Variants in SSPN observed in about 807,000 individuals in gnomAD.
The protein encoded by SSPN is sarcospan.
In SSPN, 15 loss-of-function variants were observed where a neutral mutation model predicts 19.1. The observed-to-expected ratio is 0.78, with a 90% CI of 0.52 to 1.21. SSPN has a LOEUF of 1.21. SSPN is among the 50% of genes most tolerant of loss of function. The probability of loss-of-function intolerance (pLI) is 0.00; values close to 1 mark genes in which losing one functional copy is unlikely to be tolerated. For missense variants in SSPN, 291 were observed against 314.0 expected, an observed-to-expected ratio of 0.93 and a Z score of 0.55; for synonymous variants, 147 against 140.3, an observed-to-expected ratio of 1.05 and a Z score of -0.34.
intron 1 of SSPN, among the ~76,000 whole-genome samples, chr12:26,167,218 T>A (rs990986745): frequency 3.9e-5 from 6 of 152,346 alleles, no homozygotes; most frequent in South Asian, 4.1e-4. Context: ...TGAGGTTTTT[T>A]AAAAAAGCCT....
intron 1 of SSPN, among the ~76,000 whole-genome samples, chr12:26,178,664 T>C (rs1486129622): frequency 1.3e-5 from 2 of 152,148 alleles, no homozygotes; most frequent in African/African-American, 4.8e-5. Context: ...GGGTCTGGCT[T>C]AGGTGCAGAC....
intron 1 of SSPN, among the ~76,000 whole-genome samples, chr12:26,181,458 T>G (rs1332764546): frequency 1.3e-5 from 2 of 152,310 alleles, no homozygotes; most frequent in Non-Finnish European, 1.5e-5. Context: ...TTTAAGAACA[T>G]GTAATATTAT....
chr12:26,131,385 T>C (rs1012366817), intron 1 of SSPN, among the ~76,000 whole-genome samples: 23 of 152,250 alleles, frequency 1.5e-4, no homozygotes, highest in Admixed American at 6.5e-5. Flanking sequence ...GTCTGTCTTT[T>C]TACGTAGCAG....
chr12:26,139,826 C>T (rs901345913), intron 1 of SSPN, among the ~76,000 whole-genome samples: 1 of 152,038 alleles, frequency 6.6e-6, no homozygotes, highest in Admixed American at 6.5e-5. Context: ...TAACTTAATT[C>T]GTCATAGTGT....
chr12:26,188,666 T>G (rs2137449277), intron 1 of SSPN, among the ~76,000 whole-genome samples: 1 of 152,370 alleles, frequency 6.6e-6, no homozygotes, highest in Non-Finnish European at 1.5e-5. Context: ...CAGAAATATC[T>G]GAATCCAGAT....
intron 1 of SSPN, among the ~76,000 whole-genome samples, chr12:26,137,117 T>G (rs1485008126): frequency 6.6e-6 from 1 of 152,246 alleles, no homozygotes; most frequent in African/African-American, 2.4e-5. Context: ...TTAACTCATT[T>G]AATTGCTCAA....
chr12:26,142,680 A>G (rs1024443825), intron 1 of SSPN, among the ~76,000 whole-genome samples: 1 of 152,200 alleles, frequency 6.6e-6, no homozygotes, highest in Non-Finnish European at 1.5e-5. Flanking sequence ...AATATGTGAT[A>G]TGAGTGGTTG....
rs1409816161 is a variant in SSPN at position 26,234,405 on chromosome 12, G to C, written c.*3329G>C. 6.6e-6 allele frequency: 1 copy of C among 152,112 alleles called. No individual in the cohort carries two copies. Among genetic ancestry groups the C allele is most frequent in the African/African-American group, 2.4e-5 (1 of 41,400 alleles). The allele number at this position is 152,112 out of a possible 1,614,324, so 9.4% of individuals were successfully genotyped here. ...TAAATCATGTTGGCTATCAGTTCTT[G>C]CTATTCTCAGAGCACTCTATCATGT... On this transcript the variant is annotated 3_prime_UTR_variant, in exon 3 of 3. Coordinates refer to ENST00000242729, the MANE Select transcript of SSPN (RefSeq NM_005086.5).
chr12:26,229,453 CT>C (rs1184582591), intron 2 of SSPN, among the ~76,000 whole-genome samples: 1 of 152,202 alleles, frequency 6.6e-6, no homozygotes, highest in African/African-American at 2.4e-5. Context: ...AAATTTAAGA[CT>C]TGAAAACACT....
intron 2 of SSPN, among the ~76,000 whole-genome samples, chr12:26,225,348 A>G (rs1945166220): frequency 6.6e-6 from 1 of 152,216 alleles, no homozygotes; most frequent in Non-Finnish European, 1.5e-5. Flanking sequence ...AAATCATGCT[A>G]TAAAAAGTAA....
At chr12:26,151,994 C>A (rs1200827798) in intron 1 of SSPN, among the ~76,000 whole-genome samples, 4 of 152,136 alleles carry the variant, frequency 2.6e-5, no homozygotes, top group Admixed American at 6.5e-5. Context: ...ACTTTTGAAT[C>A]CTGAAAGAAG....
chr12:26,209,487 T>C (rs917972749), intron 1 of SSPN, among the ~76,000 whole-genome samples: 29 of 152,108 alleles, frequency 1.9e-4, no homozygotes, highest in East Asian at 1.9e-4. Context: ...TCATCTCTCT[T>C]TATCTCTCTG....
At chr12:26,159,726 T>C (rs138634339) in intron 1 of SSPN, among the ~76,000 whole-genome samples, 1 of 152,126 alleles carries the variant, frequency 6.6e-6, no homozygotes, top group East Asian at 1.9e-4. Context: ...GAATCCCAAA[T>C]GGAAGCAGGA....
intron 1 of SSPN, chr12:26,124,477 T>C (rs1313727122): frequency 1.9e-6 from 3 of 1,579,994 alleles, no homozygotes; most frequent in Non-Finnish European, 8.7e-7. Flanking sequence ...TCTAATTAAC[T>C]ACCCATGCAG....
At chr12:26,126,526 G>GCCCGC (rs1944366130) in intron 1 of SSPN, 1 of 152,318 alleles carries the variant, frequency 6.6e-6, no homozygotes, top group South Asian at 2.1e-4. Flanking sequence ...GTGTCCCCCG[G>GCCCGC]CCCGCCCCGC....
chr12:26,132,603 G>A (rs1944402869), intron 1 of SSPN, among the ~76,000 whole-genome samples: 1 of 152,076 alleles, frequency 6.6e-6, no homozygotes, highest in Non-Finnish European at 1.5e-5. Context: ...GCTTTCCTGA[G>A]CCATCTAGGC....
intron 1 of SSPN, among the ~76,000 whole-genome samples, chr12:26,151,540 A>T (rs909501786): frequency 6.6e-6 from 1 of 152,188 alleles, no homozygotes; most frequent in African/African-American, 2.4e-5. Flanking sequence ...TTCATTCAAC[A>T]CTAAATACCT....
intron 1 of SSPN, among the ~76,000 whole-genome samples, chr12:26,142,049 A>G (rs958099156): frequency 6.6e-6 from 1 of 152,174 alleles, no homozygotes; most frequent in Non-Finnish European, 1.5e-5. Context: ...ATTTTCAGGC[A>G]GAGGTTGTTG....
chr12:26,188,164 T>G (rs1444477577), intron 1 of SSPN, among the ~76,000 whole-genome samples: 2 of 152,180 alleles, frequency 1.3e-5, no homozygotes, highest in African/African-American at 4.8e-5. Flanking sequence ...AAGGAACATG[T>G]CCACAGTCAC....
Sources: allele counts gnomAD v4.1 joint callset (sites outside exome capture counted in the v4.1 genomes callset), GRCh38; gene constraint gnomAD v4.1.1; transcripts MANE v1.5; gene names NCBI Gene and HGNC (gene_info 2026-07-23, HGNC 2026-07-21).